NEK10: variants seen among roughly 807,000 people sequenced by gnomAD.
NEK10 encodes the protein NIMA related kinase 10.
Under a neutral mutation model 159.8 loss-of-function variants are expected in NEK10, and 122 were observed. The ratio of observed to expected loss-of-function variants is 0.76; its 90% CI spans 0.66 to 0.89. The LOEUF is 0.89. Among genes scored for constraint, NEK10 ranks in the 40% least tolerant of loss-of-function variants. The probability of loss-of-function intolerance (pLI) is 0.00; values close to 1 mark genes in which losing one functional copy is unlikely to be tolerated. For synonymous variants in NEK10, 466 were observed against 457.1 expected (o/e 1.02, Z -0.25); for missense variants, 1,342 against 1,323.1 (o/e 1.01, Z -0.22).
chr3:27,235,368 T>C (rs534316636), intron 23 of NEK10, among the ~76,000 whole-genome samples: 1 of 152,296 alleles, frequency 6.6e-6, no homozygotes, highest in East Asian at 1.9e-4. Flanking sequence ...ACTATGCATC[T>C]GACGAAGGTC....
chr3:27,145,488 TTACATAATTA>T lies in NEK10; in HGVS notation c.2870-3916_2870-3907del, dbSNP rs375245608. On this transcript the variant is annotated intron_variant, in intron 30 of 35. Coordinates refer to ENST00000691995, the MANE Select transcript of NEK10 (RefSeq NM_001394966.1). ...TTTACTTAAAAGCGTCAAAAAGTCA[TTACATAATTA>T]TATTTGCTAGCTTACTCTGTTGCAA... is the stretch of plus-strand genomic sequence containing the variant. Among the ~76,000 whole-genome samples the T allele has an allele frequency of 4.4e-3, 666 of 152,278 alleles. 2 individuals are homozygous for T. Among genetic ancestry groups the T allele is most frequent in the African/African-American group, 0.016 (646 of 41,548 alleles).
intron 23 of NEK10, among the ~76,000 whole-genome samples, chr3:27,223,560 G>A (rs1952336255): frequency 6.6e-6 from 1 of 152,142 alleles, no homozygotes; most frequent in African/African-American, 2.4e-5. Flanking sequence ...GTTCCTCCTT[G>A]GGAACTTTCT....
At position 27,344,315 on chromosome 3, in the gene NEK10, G is replaced by T; in HGVS notation, c.319C>A (p.Gln107Lys). The change falls in exon 5 of 36, where the codon CAG becomes AAG. Residue 107 changes from glutamine (Q) to lysine (K), a missense_variant. Coordinates refer to ENST00000691995, the MANE Select transcript of NEK10 (RefSeq NM_001394966.1). ...FSKHPQRKLF[Q>K]EIFTALVKNR... ...TTCACCAAGGCGGTAAAGATCTCCTGAAATAGTTTACGCTGAGGATGTTTG... is the reference window on the plus strand; with the variant it reads ...TTCACCAAGGCGGTAAAGATCTCCTTAAATAGTTTACGCTGAGGATGTTTG... 1 of 1,599,296 alleles carries T rather than the reference G, an allele frequency of 6.3e-7. No individual in the cohort carries two copies. The highest frequency in any genetic ancestry group is 8.5e-7 in the Non-Finnish European group (1 of 1,170,072).
chr3:27,172,922 ATGTC>A (rs1162925955), intron 28 of NEK10, among the ~76,000 whole-genome samples: 8 of 152,170 alleles, frequency 5.3e-5, no homozygotes, highest in African/African-American at 1.9e-4. Flanking sequence ...AAGCCATACT[ATGTC>A]TGTCACAGCT....
chr3:27,359,150 C>T (rs1164524133), intron 1 of NEK10, among the ~76,000 whole-genome samples: 3 of 146,180 alleles, frequency 2.1e-5, no homozygotes, highest in Non-Finnish European at 3.0e-5. Flanking sequence ...TGCAGTGAGC[C>T]GAGACCGTGC....
intron 25 of NEK10, among the ~76,000 whole-genome samples, chr3:27,195,640 T>G (rs1949491252): frequency 6.6e-6 from 1 of 152,332 alleles, no homozygotes; most frequent in East Asian, 1.9e-4. Flanking sequence ...AGAAGCTCTT[T>G]CCCTCAGCAA....
chr3:27,234,498 G>A (rs895592873), intron 23 of NEK10, among the ~76,000 whole-genome samples: 5 of 151,940 alleles, frequency 3.3e-5, no homozygotes, highest in Non-Finnish European at 7.4e-5. Flanking sequence ...AATCACAAAT[G>A]AACTCCCATT....
rs1003714765 is a variant in NEK10, at chr3:27,109,548, A to G, written c.*1724T>C. ...TCCTAAATTCTGTTTACTATATACT[A>G]CCATTTGGGAAATAACTTGATTTCA... On this transcript the variant is annotated 3_prime_UTR_variant, in exon 36 of 36. Transcript: ENST00000691995. Among the ~76,000 whole-genome samples the G allele has an allele frequency of 6.6e-6, 1 of 152,082 alleles. No individual in the cohort carries two copies. The highest frequency in any genetic ancestry group is 1.5e-5 in the Non-Finnish European group (1 of 68,022).
At chr3:27,222,882 G>C (rs1455227744) in intron 23 of NEK10, among the ~76,000 whole-genome samples, 2 of 151,860 alleles carry the variant, frequency 1.3e-5, no homozygotes, top group African/African-American at 2.4e-5. Context: ...GTAAGAGCTA[G>C]TCAGGAACTG....
At chr3:27,230,463 TA>T (rs928184084) in intron 23 of NEK10, among the ~76,000 whole-genome samples, 6 of 151,596 alleles carry the variant, frequency 4.0e-5, no homozygotes, top group Admixed American at 3.3e-4. Flanking sequence ...TAATACAATG[TA>T]AAAAAAGTAT....
intron 6 of NEK10, 102 bp downstream of exon 6, chr3:27,322,075 G>A (rs2045680014): frequency 1.6e-6 from 1 of 636,192 alleles, no homozygotes; most frequent in African/African-American, 1.9e-5. Context: ...TTGTGAGAGA[G>A]AAAACAAAAA....
intron 23 of NEK10, among the ~76,000 whole-genome samples, chr3:27,222,268 G>A (rs1333501290): frequency 6.6e-6 from 1 of 152,190 alleles, no homozygotes; most frequent in Non-Finnish European, 1.5e-5. Context: ...AGCTACTCTG[G>A]AGGCTGAGAC....
At chr3:27,112,263 C>G (rs768661063) in intron 35 of NEK10, among the ~76,000 whole-genome samples, 3 of 152,194 alleles carry the variant, frequency 2.0e-5, no homozygotes, top group African/African-American at 4.8e-5. Flanking sequence ...GAAAATGGCA[C>G]CTCTCTATTC....
intron 31 of NEK10, among the ~76,000 whole-genome samples, chr3:27,139,013 C>T (rs560679899): frequency 3.9e-5 from 6 of 152,238 alleles, no homozygotes; most frequent in East Asian, 1.9e-4. Flanking sequence ...TGGTCTGAGA[C>T]GTGGAAAGAT....
At chr3:27,165,459 T>A in intron 29 of NEK10, among the ~76,000 whole-genome samples, 1 of 152,180 alleles carries the variant, frequency 6.6e-6, no homozygotes, top group Non-Finnish European at 1.5e-5. Context: ...TCCCATCGTA[T>A]CACAAGCTGG....
Position 27,225,845 on chromosome 3 carries a change from A to G in NEK10, c.2091-23288T>C, listed in dbSNP as rs1228949385. 3.6e-5 allele frequency among the ~76,000 whole-genome samples: 3 copies of G among 84,424 alleles called. No individual in the cohort carries two copies. In the East Asian group the frequency reaches 6.2e-4, roughly 18 times the overall value. 55.4% of individuals were successfully genotyped at this position (84,424 alleles called of 152,430 possible). A position where few individuals can be genotyped will look rare whatever the true frequency, so the allele number is the denominator to read the frequency against. On this transcript the variant is annotated intron_variant, in intron 23 of 35. Transcript: ENST00000691995. ...AGTCTAAGTCACATGGTTGTGTTTC[A>G]GCTGCAAGGAGGCTAAGATTACACA...
At chr3:27,202,379 A>AT in intron 24 of NEK10, 49 bp downstream of exon 24, 4 of 1,538,306 alleles carry the variant, frequency 2.6e-6, no homozygotes, top group Non-Finnish European at 3.5e-6. Context: ...AAGAAAAAGA[A>AT]TTGCATTTTT....
chr3:27,190,941 C>T (rs1227273247), intron 26 of NEK10, among the ~76,000 whole-genome samples: 1 of 152,152 alleles, frequency 6.6e-6, no homozygotes, highest in African/African-American at 2.4e-5. Context: ...AAACATATAA[C>T]TTAAATAATC....
chr3:27,163,123 A>AC (rs398105713), intron 29 of NEK10, among the ~76,000 whole-genome samples: 3 of 151,756 alleles, frequency 2.0e-5, no homozygotes, highest in Non-Finnish European at 1.5e-5. Flanking sequence ...AACAAAAAAA[A>AC]CCTTATACCT....
Sources: gnomAD v4.1 joint callset for allele counts (sites outside exome capture counted in the v4.1 genomes callset) on GRCh38, gnomAD v4.1.1 for gene constraint, MANE v1.5 for transcripts, NCBI Gene and HGNC (gene_info 2026-07-23, HGNC 2026-07-21) for gene names.